TOGARAM1: variants seen among roughly 807,000 people sequenced by gnomAD.
The protein encoded by TOGARAM1 is TOG array regulator of axonemal microtubules 1, also known as TOG array regulator of axonemal microtubules protein 1.
TOGARAM1 carries 100 observed loss-of-function variants against 166.6 expected under a neutral mutation model. That is an observed-to-expected ratio of 0.60 (90% CI 0.51 to 0.71). The LOEUF (loss-of-function observed/expected upper bound fraction) is 0.71. Ranked by LOEUF, TOGARAM1 falls within the 30% of genes least tolerant of loss-of-function variation. TOGARAM1 has a pLI of 0.00. For synonymous variants in TOGARAM1, 758 were observed against 763.8 expected (o/e 0.99, Z 0.13); for missense variants, 2,029 against 2,102.7 (o/e 0.96, Z 0.69).
chr14:45,071,926 A>C, intron 19 of TOGARAM1, 128 bp downstream of exon 19: 1 of 641,926 alleles, frequency 1.6e-6, no homozygotes, highest in Non-Finnish European at 2.6e-6. Flanking sequence ...TAAATTGTGT[A>C]ATGATCCACA....
At chr14:45,025,980 C>G (rs1216004798) in intron 8 of TOGARAM1, 108 bp downstream of exon 8, 7 of 558,796 alleles carry the variant, frequency 1.3e-5, no homozygotes, top group Non-Finnish European at 2.2e-5. Flanking sequence ...AGTGGAACTT[C>G]TTTTTAAAAA....
chr14:45,011,785 A>ATGTGTGTG (rs113794576), intron 6 of TOGARAM1, 190 bp from the exon 7 acceptor site: 10,746 of 414,496 alleles, frequency 0.026, 607 homozygotes, highest in African/African-American at 0.16. Context: ...CAAAATATAT[A>ATGTGTGTG]TGTGTGTGTG....
At chr14:45,028,107 A>G (rs1880960200) in intron 9 of TOGARAM1, 69 bp from the exon 10 acceptor site, 28 of 1,344,838 alleles carry the variant, frequency 2.1e-5, no homozygotes, top group Non-Finnish European at 2.5e-5. Context: ...CAAATTAGTT[A>G]TCTGAGATGA....
intron 7 of TOGARAM1, among the ~76,000 whole-genome samples, chr14:45,015,266 A>G (rs976030006): frequency 6.6e-6 from 1 of 151,880 alleles, no homozygotes; most frequent in African/African-American, 2.4e-5. Context: ...GATAGTGCCA[A>G]TGTATTCCAG....
At chr14:45,059,544 G>A (rs113470608) in intron 16 of TOGARAM1, among the ~76,000 whole-genome samples, 6,138 of 152,148 alleles carry the variant, frequency 0.04, 425 homozygotes, top group African/African-American at 0.14. Flanking sequence ...AGCTACTCAG[G>A]AGGCTGAGGC....
chr14:45,052,406 G>A (rs1369715755), intron 14 of TOGARAM1, 30 bp from the exon 15 acceptor site: 1 of 1,594,876 alleles, frequency 6.3e-7, no homozygotes, highest in Non-Finnish European at 8.6e-7. Flanking sequence ...TGTCTAAAAA[G>A]TAATATACCT....
chr14:45,069,087 C>T (rs975600675), intron 18 of TOGARAM1, among the ~76,000 whole-genome samples: 1 of 151,970 alleles, frequency 6.6e-6, no homozygotes. Flanking sequence ...TTACATATGG[C>T]ACTAAAAGCA....
intron 16 of TOGARAM1, among the ~76,000 whole-genome samples, chr14:45,062,644 G>A (rs1882950027): frequency 6.6e-6 from 1 of 152,042 alleles, no homozygotes; most frequent in South Asian, 2.1e-4. Flanking sequence ...TGTACTTTGA[G>A]TATTCATACA....
At chr14:45,001,128 C>T (rs1407529526) in intron 3 of TOGARAM1, among the ~76,000 whole-genome samples, 1 of 152,120 alleles carries the variant, frequency 6.6e-6, no homozygotes, top group Non-Finnish European at 1.5e-5. Flanking sequence ...TTTTTGTTGC[C>T]ATCCTTGCCA....
intron 7 of TOGARAM1, among the ~76,000 whole-genome samples, chr14:45,018,839 A>G (rs1880316973): frequency 6.6e-6 from 1 of 152,220 alleles, no homozygotes; most frequent in Admixed American, 6.5e-5. Flanking sequence ...AAAGTAACTC[A>G]TACCCTCATG....
rs1883489805 is a variant in TOGARAM1, at chr14:45,073,833, C to A, written c.*272C>A. 9.9e-6 allele frequency: 3 copies of A among 304,528 alleles called. No homozygotes were observed. Among genetic ancestry groups the A allele is most frequent in the Non-Finnish European group, 1.8e-5 (3 of 164,138 alleles). The allele number at this position is 304,528 out of a possible 1,614,324, so 18.9% of individuals were successfully genotyped here. On this transcript the variant is annotated 3_prime_UTR_variant, in exon 20 of 20. Transcript: ENST00000361462. ...TAATATTTTTGAGAAAAGTCCTGCT[C>A]ATTTGCACTATTCTATAGAAACTAC...
intron 11 of TOGARAM1, among the ~76,000 whole-genome samples, chr14:45,041,952 A>G (rs569635755): frequency 3.9e-5 from 6 of 152,312 alleles, no homozygotes; most frequent in Non-Finnish European, 7.3e-5. Flanking sequence ...TTGTAGAGAC[A>G]GAGTTTCACC....
intron 1 of TOGARAM1, among the ~76,000 whole-genome samples, chr14:44,990,657 T>C (rs541062332): frequency 1.3e-5 from 2 of 152,336 alleles, no homozygotes; most frequent in East Asian, 1.9e-4. Flanking sequence ...ACCTTACTTT[T>C]AGCATGTATG....
chr14:44,999,345 C>T lies in TOGARAM1; in HGVS notation c.2204-18C>T. The T allele has an allele frequency of 1.3e-6, 2 of 1,529,590 alleles. No homozygotes were observed. Among genetic ancestry groups the T allele is most frequent in the Non-Finnish European group, 1.8e-6 (2 of 1,133,418 alleles). 94.8% of individuals were successfully genotyped at this position (1,529,590 alleles called of 1,614,324 possible). A position where few individuals can be genotyped will look rare whatever the true frequency, so the allele number is the denominator to read the frequency against. ...TTAACTTTTGCTTTTATGTTTTCTC[C>T]CTTCCTTTCTTCAAAAGGTACTACT... On this transcript the variant is annotated intron_variant, in intron 2 of 19. Transcript: ENST00000361462.
intron 16 of TOGARAM1, among the ~76,000 whole-genome samples, chr14:45,057,673 A>G (rs1335551397): frequency 1.3e-5 from 2 of 152,102 alleles, no homozygotes; most frequent in Admixed American, 1.3e-4. Flanking sequence ...ACTTCAAAAA[A>G]TGTTTTAAAT....
chr14:44,974,687 C>T (rs537038934), intron 1 of TOGARAM1, among the ~76,000 whole-genome samples: 35 of 151,514 alleles, frequency 2.3e-4, no homozygotes, highest in Admixed American at 5.9e-4. Flanking sequence ...TTTTGATGAG[C>T]GTAATTTTAT....
chr14:44,996,138 C>G (rs1662628528), intron 2 of TOGARAM1: 1 of 262,022 alleles, frequency 3.8e-6, no homozygotes, highest in Non-Finnish European at 7.1e-6. Context: ...TAATACATCA[C>G]CCATATTTAT....
At position 45,053,301 on chromosome 14, in the gene TOGARAM1, A is replaced by G. The variant is rs191989872; in HGVS notation, c.4440+739A>G. 3.9e-3 allele frequency among the ~76,000 whole-genome samples: 600 copies of G among 152,216 alleles called. 4 individuals are homozygous for G. The highest frequency in any genetic ancestry group is 0.014 in the African/African-American group (584 of 41,550). The stretch of plus-strand genomic sequence containing the variant: ...GGTGATCCGCCTGACTCGGCCTCCC[A>G]AAGTGCTGGGATTACAGGCGAGAGC... On this transcript the variant is annotated intron_variant, in intron 15 of 19. Coordinates refer to ENST00000361462, the MANE Select transcript of TOGARAM1 (RefSeq NM_001308120.2).
chr14:45,063,479 G>GTTTTTTTT lies in TOGARAM1; in HGVS notation c.4560-3084_4560-3077dup, dbSNP rs373702236. Among the ~76,000 whole-genome samples the GTTTTTTTT allele has an allele frequency of 1.3e-4, 16 of 118,688 alleles. 1 individual carries two copies. The highest frequency in any genetic ancestry group is 4.3e-4 in the African/African-American group (12 of 27,706). The allele number at this position is 118,688 out of a possible 152,430, so 77.9% of individuals were successfully genotyped here. On this transcript the variant is annotated intron_variant, in intron 16 of 19. Coordinates refer to ENST00000361462, the MANE Select transcript of TOGARAM1 (RefSeq NM_001308120.2). ...ATAAACTAGTATCTCATTTGACAAAGTTTTTTTTTTTTTTTTTTTTTTGGA... is the reference window on the plus strand; with the variant it reads ...ATAAACTAGTATCTCATTTGACAAAGTTTTTTTTTTTTTTTTTTTTTTTTTTTTTTGGA...
Sources: gnomAD v4.1 joint callset for allele counts (sites outside exome capture counted in the v4.1 genomes callset) on GRCh38, gnomAD v4.1.1 for gene constraint, MANE v1.5 for transcripts, NCBI Gene and HGNC (gene_info 2026-07-23, HGNC 2026-07-21) for gene names.